USP54: variants seen among roughly 807,000 people sequenced by gnomAD.
USP54 encodes ubiquitin carboxyl-terminal hydrolase 54.
A neutral mutation model predicts 170.5 loss-of-function variants in USP54; 87 were observed. The ratio of observed to expected loss-of-function variants is 0.51; its 90% CI spans 0.43 to 0.61. The LOEUF (loss-of-function observed/expected upper bound fraction) is 0.61, where lower values mean the gene tolerates loss of function less well. USP54 is among the 20% of genes least tolerant of loss of function. USP54 has a pLI of 0.00. For missense variants in USP54, 1,786 were observed against 2,047.8 expected (o/e 0.87, Z 2.47); for synonymous variants, 655 against 742.8 (o/e 0.88, Z 1.92).
intron 1 of USP54, chr10:73,625,491 T>A (rs1415487545): frequency 6.6e-6 from 1 of 151,778 alleles, no homozygotes; most frequent in Non-Finnish European, 1.5e-5. Context: ...AAAGGTCTGA[T>A]CCCTTCTCCT....
At chr10:73,538,918 G>A (rs976480329) in intron 10 of USP54, among the ~76,000 whole-genome samples, 2 of 152,222 alleles carry the variant, frequency 1.3e-5, no homozygotes, top group African/African-American at 2.4e-5. Context: ...TCCTATCCTC[G>A]AAGAACTAGC....
chr10:73,532,426 C>T lies in USP54; in HGVS notation c.1316-1591G>A, dbSNP rs146965442. 7.0e-3 allele frequency among the ~76,000 whole-genome samples: 1,059 copies of T among 152,240 alleles called. 10 individuals are homozygous for T. Among genetic ancestry groups the T allele is most frequent in the Non-Finnish European group, 0.011 (765 of 68,010 alleles). On this transcript the variant is annotated intron_variant, in intron 12 of 23. Transcript: ENST00000687698. ...TCCTGACCTCGTGATCCACCCACCT[C>T]GGCCTCCCAAAGTGCTGGGATTACA...
intron 3 of USP54, among the ~76,000 whole-genome samples, chr10:73,572,468 CAT>C (rs1431675948): frequency 1.3e-5 from 2 of 152,204 alleles, no homozygotes; most frequent in Non-Finnish European, 2.9e-5. Flanking sequence ...TGTCATAATA[CAT>C]GAAAAAGCAT....
At chr10:73,622,776 G>A (rs181669133) in intron 1 of USP54, among the ~76,000 whole-genome samples, 1 of 151,940 alleles carries the variant, frequency 6.6e-6, no homozygotes, top group African/African-American at 2.4e-5. Flanking sequence ...AACATAGGGA[G>A]ATCCTGTCTC....
intron 20 of USP54, among the ~76,000 whole-genome samples, chr10:73,512,214 G>A (rs529085758): frequency 2.0e-5 from 3 of 151,852 alleles, no homozygotes; most frequent in South Asian, 2.1e-4. Flanking sequence ...ACCACAGCTC[G>A]CCGCAGCCTC....
chr10:73,564,006 A>G (rs1239039629), intron 4 of USP54, among the ~76,000 whole-genome samples: 1 of 145,538 alleles, frequency 6.9e-6, no homozygotes, highest in African/African-American at 2.6e-5. Flanking sequence ...TAAAAAAAAC[A>G]AAAAAAAAAC....
chr10:73,500,003 G>C (rs2057746705), intron 23 of USP54: 1 of 152,208 alleles, frequency 6.6e-6, no homozygotes, highest in Admixed American at 6.5e-5. Flanking sequence ...TAATGGCTGT[G>C]CTGTTGAGGA....
Position 73,575,576 on chromosome 10 carries a change from G to C in USP54, c.83C>G (p.Ala28Gly). 6.2e-7 allele frequency: 1 copy of C among 1,613,976 alleles called. No homozygotes were observed. The highest frequency in any genetic ancestry group is 8.5e-7 in the Non-Finnish European group (1 of 1,179,956). ...CTCATTGCTGAGGCCTTTGCTGGGG[G>C]CTATGGAGGTTGAGCTTCGAGGTGC... ...MFAPRSSTSI[A>G]PSKGLSNEPG... The change falls in exon 3 of 24, where the codon GCC (alanine) becomes GGC (glycine). Residue 28 changes from alanine (A) to glycine (G), a missense_variant. This residue lies in a region of USP54 where 361 missense variants were observed against 455.0 expected (regional missense o/e 0.79). Transcript: ENST00000687698.
chr10:73,593,958 A>G (rs188747559), upstream of USP54, among the ~76,000 whole-genome samples: 122 of 152,280 alleles, frequency 8.0e-4, no homozygotes, highest in Admixed American at 2.7e-3. Flanking sequence ...GAGTAACCCC[A>G]AAGTCAAACC....
chr10:73,594,036 T>C (rs1476245953), upstream of USP54, among the ~76,000 whole-genome samples: 1 of 152,076 alleles, frequency 6.6e-6, no homozygotes. Context: ...AGGAACTGAG[T>C]GGCTCCGCAG....
In USP54 at chr10:73,541,458, T is replaced by C; in HGVS notation, c.742A>G (p.Ile248Val). The C allele has an allele frequency of 2.5e-6, 4 of 1,614,200 alleles. No homozygotes were observed. The highest frequency in any genetic ancestry group is 2.5e-6 in the Non-Finnish European group (3 of 1,180,034). The change falls in exon 9 of 24, where the codon ATT becomes GTT. Residue 248 changes from isoleucine (I) to valine (V), a missense_variant. Ile to Val is a conservative substitution (Grantham distance 29, BLOSUM62 3). Around this residue, in one of 3 missense-constraint regions of USP54, gnomAD observed 361 missense variants for 455.0 expected, o/e 0.79. Coordinates refer to ENST00000687698, the MANE Select transcript of USP54 (RefSeq NM_001391956.1). ...VLMNAPQIITIGLVWDSDHSD... is the reference protein window; with the variant it reads ...VLMNAPQIITVGLVWDSDHSD... ...TGGTCTGAGTCCCATACCAGCCCAA[T>C]CGTGATAATCTGTGGAGCATTCATC... is the stretch of plus-strand genomic sequence containing the variant.
Position 73,575,678 on chromosome 10 carries a change from GAA to G in USP54, c.-17-5_-17-4del. 6.6e-7 allele frequency: 1 copy of G among 1,505,454 alleles called. No individual in the cohort carries two copies. Among genetic ancestry groups the G allele is most frequent in the South Asian group, 1.3e-5 (1 of 76,362 alleles). The allele number at this position is 1,505,454 out of a possible 1,614,324, so 93.3% of individuals were successfully genotyped here. A position where few individuals can be genotyped will look rare whatever the true frequency, so the allele number is the denominator to read the frequency against. ...AGACATTATTGTTCACATTTAGCCT[GAA>G]AAAAAAATGGAGAAGGATTTGTGCC... On this transcript the variant is annotated splice_polypyrimidine_tract_variant and splice_region_variant and intron_variant, in intron 2 of 23. Coordinates refer to ENST00000687698, the MANE Select transcript of USP54 (RefSeq NM_001391956.1).
intron 1 of USP54, among the ~76,000 whole-genome samples, chr10:73,577,516 CATGAA>C (rs1208248040): frequency 2.6e-5 from 4 of 151,990 alleles, no homozygotes; most frequent in African/African-American, 9.7e-5. Flanking sequence ...AATATGACTA[CATGAA>C]ATGAAATAGT....
chr10:73,546,399 T>C (rs1416457644), intron 4 of USP54: 4 of 152,206 alleles, frequency 2.6e-5, no homozygotes, highest in African/African-American at 9.7e-5. Context: ...TCACCCAGGC[T>C]GGAGTGCAGT....
At position 73,512,099 on chromosome 10, in the gene USP54, C is replaced by T. The variant is rs186632103; in HGVS notation, c.4051+4276G>A. Among the ~76,000 whole-genome samples, 196 of 152,088 alleles carry T rather than the reference C, an allele frequency of 1.3e-3. 1 individual carries two copies. The highest frequency in any genetic ancestry group is 4.4e-3 in the African/African-American group (184 of 41,486). ...AATTGGCATTTTCCTTCATCTACTT[C>T]CCAATTAATTCTATCTGATCACTTC... On this transcript the variant is annotated intron_variant, in intron 20 of 23. Transcript: ENST00000687698.
Position 73,517,460 on chromosome 10 carries a change from C to A in USP54, c.2966G>T (p.Trp989Leu), listed in dbSNP as rs1295163417. The A allele has an allele frequency of 1.9e-6, 3 of 1,614,108 alleles. No homozygotes were observed. The East Asian group carries it at 6.7e-5, about 36-fold the overall frequency. The change falls in exon 20 of 24, where the codon TGG (tryptophan) becomes TTG (leucine). Residue 989 changes from tryptophan to leucine, a missense_variant. By Grantham distance (61) the Trp-to-Leu change is moderately conservative. This residue lies in a region of USP54 where 1,418 missense variants were observed against 1,569.0 expected (regional missense o/e 0.90). Transcript: ENST00000687698. Reference sequence around the variant, plus strand: ...ACCCTCTGGGGCATCCAATGGCTCCCAACTATGATGAGAATTCTTCTCAGT... The same window carrying A: ...ACCCTCTGGGGCATCCAATGGCTCCAAACTATGATGAGAATTCTTCTCAGT... ...GWTEKNSHHS[W>L]EPLDAPEGKL...
intron 20 of USP54, among the ~76,000 whole-genome samples, chr10:73,510,521 T>C (rs943528456): frequency 6.7e-6 from 1 of 150,142 alleles, no homozygotes; most frequent in Non-Finnish European, 1.5e-5. Context: ...GGCAGCTCAC[T>C]GCAACCTCCA....
At chr10:73,571,944 G>A (rs1276619736) in intron 3 of USP54, among the ~76,000 whole-genome samples, 1 of 152,124 alleles carries the variant, frequency 6.6e-6, no homozygotes, top group African/African-American at 2.4e-5. Flanking sequence ...TCAATTTTCA[G>A]ACATTTCTAA....
chr10:73,600,216 A>G (rs1319059652), intron 1 of USP54, among the ~76,000 whole-genome samples: 1 of 152,042 alleles, frequency 6.6e-6, no homozygotes, highest in Non-Finnish European at 1.5e-5. Flanking sequence ...TCTTTTCATA[A>G]GGCCATGTGG....
Sources: allele counts gnomAD v4.1 joint callset (sites outside exome capture counted in the v4.1 genomes callset), GRCh38; gene constraint gnomAD v4.1.1; regional missense constraint gnomAD v4.1.1; transcripts MANE v1.5; gene names NCBI Gene and HGNC (gene_info 2026-07-23, HGNC 2026-07-21).